The following NEGR1 variants were observed in gnomAD, a reference collection of about 807,000 sequenced individuals.
NEGR1 encodes IgLON family member 4.
Under a neutral mutation model 40.9 loss-of-function variants are expected in NEGR1, and 10 were observed. That is an observed-to-expected ratio of 0.24 (90% confidence interval 0.15 to 0.42). The LOEUF is 0.42. NEGR1 is among the 10% of genes least tolerant of loss of function. NEGR1 has a pLI of 1.00. For missense variants in NEGR1, 352 were observed against 438.9 expected (o/e 0.80, Z 1.77); for synonymous variants, 185 against 166.8 (o/e 1.11, Z -0.84).
At chr1:71,738,238 G>A (rs1445521187) in intron 3 of NEGR1, 2 of 213,132 alleles carry the variant, frequency 9.4e-6, no homozygotes, top group East Asian at 1.2e-4. Context: ...ATCCGCTCTG[G>A]CCCAGCAAGT....
At chr1:71,759,543 C>A (rs752445608) in intron 3 of NEGR1, among the ~76,000 whole-genome samples, 1 of 146,726 alleles carries the variant, frequency 6.8e-6, no homozygotes, top group Non-Finnish European at 1.5e-5. Flanking sequence ...GCGATCCACT[C>A]GCCTCGGCCT....
chr1:71,432,029 A>C (rs185603752), intron 6 of NEGR1, among the ~76,000 whole-genome samples: 1 of 152,164 alleles, frequency 6.6e-6, no homozygotes, highest in South Asian at 2.1e-4. Flanking sequence ...AGGAGAGTCC[A>C]CTGAGAAAAT....
intron 1 of NEGR1, among the ~76,000 whole-genome samples, chr1:71,954,919 A>G (rs1048449219): frequency 1.3e-5 from 2 of 152,140 alleles, no homozygotes; most frequent in Non-Finnish European, 2.9e-5. Flanking sequence ...GATAACCTAG[A>G]TATTAATAAA....
At chr1:71,977,015 A>T (rs1235066314) in intron 1 of NEGR1, among the ~76,000 whole-genome samples, 2 of 152,172 alleles carry the variant, frequency 1.3e-5, no homozygotes, top group African/African-American at 4.8e-5. Context: ...AGGTAATATG[A>T]GATATAAAGG....
intron 1 of NEGR1, among the ~76,000 whole-genome samples, chr1:72,177,379 CAT>C (rs1269162740): frequency 6.6e-6 from 1 of 152,036 alleles, no homozygotes; most frequent in Non-Finnish European, 1.5e-5. Context: ...CTGAGAATCA[CAT>C]ATGAGTGGTT....
intron 5 of NEGR1, among the ~76,000 whole-genome samples, chr1:71,597,655 C>T (rs983497500): frequency 4.0e-5 from 6 of 151,590 alleles, no homozygotes; most frequent in African/African-American, 1.5e-4. Context: ...GGTGGCTCAC[C>T]CAGCACTTTG....
intron 1 of NEGR1, among the ~76,000 whole-genome samples, chr1:72,263,137 C>A: frequency 1.3e-5 from 2 of 151,512 alleles, no homozygotes; most frequent in Middle Eastern, 3.4e-3. Flanking sequence ...GTTACCCCAT[C>A]TACATATACT....
chr1:71,545,147 A>T (rs946420727), intron 6 of NEGR1, among the ~76,000 whole-genome samples: 8 of 151,654 alleles, frequency 5.3e-5, no homozygotes, highest in Admixed American at 5.3e-4. Flanking sequence ...TGCCCCAAAG[A>T]AGCCCTTCAT....
chr1:71,940,693 G>A (rs1895876), intron 1 of NEGR1, among the ~76,000 whole-genome samples: 1,981 of 152,234 alleles, frequency 0.013, 40 homozygotes, highest in African/African-American at 0.045. Context: ...GATGCTATTT[G>A]ATCAAACTGT....
chr1:71,734,630 C>T (rs1014269406), intron 3 of NEGR1, among the ~76,000 whole-genome samples: 1 of 152,008 alleles, frequency 6.6e-6, no homozygotes, highest in East Asian at 1.9e-4. Context: ...ATCTATCACC[C>T]CATCTTTCTT....
At chr1:71,888,405 G>A (rs1022928947) in intron 2 of NEGR1, among the ~76,000 whole-genome samples, 1 of 152,092 alleles carries the variant, frequency 6.6e-6, no homozygotes, top group Non-Finnish European at 1.5e-5. Flanking sequence ...CCTCACCTGG[G>A]AAGCGCAAGG....
chr1:71,445,139 C>T (rs1041777222), intron 6 of NEGR1, among the ~76,000 whole-genome samples: 23 of 152,102 alleles, frequency 1.5e-4, no homozygotes, highest in African/African-American at 5.6e-4. Context: ...AACACTAATA[C>T]ACTTTTAGGG....
chr1:71,914,422 G>T (rs573868336), intron 2 of NEGR1, among the ~76,000 whole-genome samples: 1 of 152,252 alleles, frequency 6.6e-6, no homozygotes, highest in African/African-American at 2.4e-5. Flanking sequence ...TGCTCTGAAT[G>T]GATAAGTTAA....
intron 1 of NEGR1, among the ~76,000 whole-genome samples, chr1:72,277,634 C>T (rs527613239): frequency 4.5e-4 from 68 of 152,220 alleles, no homozygotes; most frequent in Middle Eastern, 3.4e-3. Flanking sequence ...TATCCTAGAA[C>T]ATATTTTTCC....
At chr1:71,597,446 C>CTA (rs1649753690) in intron 5 of NEGR1, among the ~76,000 whole-genome samples, 1 of 36,712 alleles carries the variant, frequency 2.7e-5, no homozygotes, top group Non-Finnish European at 7.0e-5. Flanking sequence ...CTCTCTCTCT[C>CTA]TCTCTCTCTC....
chr1:71,470,471 TA>T (rs1646774979), intron 6 of NEGR1, among the ~76,000 whole-genome samples: 1 of 152,148 alleles, frequency 6.6e-6, no homozygotes, highest in Non-Finnish European at 1.5e-5. Flanking sequence ...CCTCCTTCTT[TA>T]ATGATATTTA....
At chr1:71,847,059 T>C (rs1255718699) in intron 2 of NEGR1, among the ~76,000 whole-genome samples, 5 of 152,240 alleles carry the variant, frequency 3.3e-5, no homozygotes, top group Admixed American at 2.6e-4. Context: ...ACATTACTAC[T>C]CTGTATACCA....
At chr1:71,790,691 G>T (rs1202465186) in intron 2 of NEGR1, among the ~76,000 whole-genome samples, 1 of 152,078 alleles carries the variant, frequency 6.6e-6, no homozygotes, top group Non-Finnish European at 1.5e-5. Flanking sequence ...CAAGCTCCCT[G>T]TCATCACATG....
intron 1 of NEGR1, among the ~76,000 whole-genome samples, chr1:71,953,286 G>A (rs1451249121): frequency 5.9e-5 from 9 of 151,988 alleles, no homozygotes; most frequent in Non-Finnish European, 1.5e-5. Flanking sequence ...TTCATGAGAA[G>A]AGGTCAAAAT....
Sources: gnomAD v4.1 joint callset for allele counts (sites outside exome capture counted in the v4.1 genomes callset) on GRCh38, gnomAD v4.1.1 for gene constraint, MANE v1.5 for transcripts, NCBI Gene and HGNC (gene_info 2026-07-23, HGNC 2026-07-21) for gene names.